The following USF2 variants were observed in gnomAD, a reference collection of about 807,000 sequenced individuals.
The protein encoded by USF2 is upstream transcription factor 2, c-fos interacting.
Under a neutral mutation model 46.9 loss-of-function variants are expected in USF2, and 16 were observed. The observed-to-expected ratio is 0.34, with a 90% confidence interval of 0.23 to 0.52. USF2 has a LOEUF of 0.52. Ranked by LOEUF, USF2 falls within the 20% of genes least tolerant of loss-of-function variation. The probability of loss-of-function intolerance (pLI) is 0.96; values close to 1 mark genes in which losing one functional copy is unlikely to be tolerated. For synonymous variants in USF2, 239 were observed against 194.1 expected (o/e 1.23, Z -1.92); for missense variants, 411 against 474.0 (o/e 0.87, Z 1.23).
Position 35,270,437 on chromosome 19 carries a change from T to C in USF2, c.430-10T>C. On this transcript the variant is annotated splice_polypyrimidine_tract_variant and intron_variant, in intron 4 of 9. Transcript: ENST00000222305. ...AAGCTAAGGGTAGCCTCTGCCCTCC[T>C]ACTCCCCAGGCTGTGATCCAAAATC... 1 of 1,610,334 alleles carries C rather than the reference T, an allele frequency of 6.2e-7. No homozygotes were observed. The highest frequency in any genetic ancestry group is 8.5e-7 in the Non-Finnish European group (1 of 1,178,418).
At chr19:35,279,099 C>T in intron 9 of USF2, 25 bp downstream of exon 9, 2 of 1,613,186 alleles carry the variant, frequency 1.2e-6, no homozygotes, top group Admixed American at 3.3e-5. Flanking sequence ...TGGAGCGGGT[C>T]AGGGCCCAGG....
chr19:35,271,221 AG>A, intron 7 of USF2, 80 bp downstream of exon 7: 1 of 1,560,846 alleles, frequency 6.4e-7, no homozygotes, highest in South Asian at 1.1e-5. Context: ...GGAGTGACAG[AG>A]AGAGAAGCCA....
chr19:35,270,341 C>T (rs1464367669), intron 4 of USF2, 106 bp from the exon 5 acceptor site: 2 of 1,490,234 alleles, frequency 1.3e-6, no homozygotes, highest in South Asian at 1.3e-5. Flanking sequence ...GGAGTCCCCA[C>T]TCCTGTTAAT....
chr19:35,276,674 C>T (rs2066237943), intron 7 of USF2, among the ~76,000 whole-genome samples: 1 of 152,202 alleles, frequency 6.6e-6, no homozygotes, highest in Non-Finnish European at 1.5e-5. Context: ...TTCCCAGCTG[C>T]CTGCCTTAGA....
chr19:35,279,122 A>C (rs751251804), intron 9 of USF2, 45 bp from the exon 10 acceptor site: 1 of 1,612,758 alleles, frequency 6.2e-7, no homozygotes, highest in Admixed American at 1.7e-5. Flanking sequence ...CCCCAGATGC[A>C]AGGCGCTGGC....
chr19:35,270,014 T>C lies in USF2; in HGVS notation c.429+11T>C, dbSNP rs967379390. On this transcript the variant is annotated intron_variant, in intron 4 of 9. Coordinates refer to ENST00000222305, the MANE Select transcript of USF2 (RefSeq NM_003367.4). Reference sequence around the variant, plus strand: ...GCGCCCTTCCCGCTGGTAGGTGCCCTGCCACCCCTGGGTGGGGGGGGGAGG... The same window carrying C: ...GCGCCCTTCCCGCTGGTAGGTGCCCCGCCACCCCTGGGTGGGGGGGGGAGG... 6.5e-5 allele frequency: 87 copies of C among 1,340,892 alleles called. No homozygotes were observed. In the African/African-American group the frequency reaches 1.0e-3, roughly 16 times the overall value. The allele number at this position is 1,340,892 out of a possible 1,614,324, so 83.1% of individuals were successfully genotyped here.
chr19:35,272,643 G>T (rs1201771345), intron 7 of USF2, among the ~76,000 whole-genome samples: 3 of 152,064 alleles, frequency 2.0e-5, no homozygotes, highest in Non-Finnish European at 4.4e-5. Context: ...GTGATGAGAA[G>T]CCAGCAGAGG....
intron 7 of USF2, among the ~76,000 whole-genome samples, chr19:35,273,320 C>T (rs2066184788): frequency 6.6e-6 from 1 of 152,198 alleles, no homozygotes; most frequent in Non-Finnish European, 1.5e-5. Context: ...GCTGTCTGGG[C>T]TCCAAGCATC....
chr19:35,278,867 T>C (rs763341313), intron 8 of USF2, 75 bp downstream of exon 8: 2 of 1,605,870 alleles, frequency 1.2e-6, no homozygotes, highest in South Asian at 2.2e-5. Context: ...CCAACAGCCA[T>C]GGGGCTCGGG....
At chr19:35,274,780 A>G (rs1186188893) in intron 7 of USF2, among the ~76,000 whole-genome samples, 1 of 152,218 alleles carries the variant, frequency 6.6e-6, no homozygotes, top group East Asian at 1.9e-4. Context: ...CCTGAGCAAC[A>G]GACCCAGACC....
chr19:35,270,418 AG>A (rs1355501640), intron 4 of USF2, 28 bp from the exon 5 acceptor site: 1 of 1,598,758 alleles, frequency 6.3e-7, no homozygotes, highest in African/African-American at 1.3e-5. Flanking sequence ...GAGAAAGCTA[AG>A]GGTAGCCTCT....
At chr19:35,272,293 A>C (rs1312237661) in intron 7 of USF2, among the ~76,000 whole-genome samples, 1 of 152,174 alleles carries the variant, frequency 6.6e-6, no homozygotes, top group African/African-American at 2.4e-5. Context: ...GCAGGCAGTC[A>C]CAGGCAGGAG....
At chr19:35,274,058 T>C (rs767289406) in intron 7 of USF2, among the ~76,000 whole-genome samples, 13 of 152,252 alleles carry the variant, frequency 8.5e-5, no homozygotes, top group Admixed American at 2.6e-4. Context: ...ACCTGGCTCC[T>C]GGTAATGCAA....
intron 7 of USF2, among the ~76,000 whole-genome samples, chr19:35,276,670 G>A (rs1190539413): frequency 6.6e-6 from 1 of 152,182 alleles, no homozygotes. Flanking sequence ...GATCTTCCCA[G>A]CTGCCTGCCT....
At chr19:35,270,909 T>G (rs571375865) in intron 6 of USF2, 104 bp downstream of exon 6, 1 of 1,491,074 alleles carries the variant, frequency 6.7e-7, no homozygotes, top group South Asian at 1.1e-5. Flanking sequence ...CATGGTGTAA[T>G]GTTTTTTTTC....
chr19:35,276,868 A>C (rs553182012), intron 7 of USF2: 3 of 152,318 alleles, frequency 2.0e-5, no homozygotes, highest in Non-Finnish European at 4.4e-5. Context: ...GCGAGTGCCC[A>C]TGGGGCGCAC....
rs977406776 is a variant in USF2, at chr19:35,279,341, T to C, written c.*85T>C. 2 of 1,319,132 alleles carry C rather than the reference T, an allele frequency of 1.5e-6. No individual in the cohort carries two copies. Among genetic ancestry groups the C allele is most frequent in the East Asian group, 2.9e-5 (1 of 34,796 alleles). 81.7% of individuals were successfully genotyped at this position (1,319,132 alleles called of 1,614,324 possible). ...AGCCCTTAGCACAGAGAGGGACACA[T>C]GCCCCTCCCCCAGCTGCGTTTTTTT... On this transcript the variant is annotated 3_prime_UTR_variant, in exon 10 of 10. Coordinates refer to ENST00000222305, the MANE Select transcript of USF2 (RefSeq NM_003367.4).
intron 7 of USF2, among the ~76,000 whole-genome samples, chr19:35,271,914 G>A (rs925893415): frequency 6.6e-6 from 1 of 152,154 alleles, no homozygotes; most frequent in African/African-American, 2.4e-5. Flanking sequence ...GGTGGGCTGG[G>A]GTGACGCTTC....
chr19:35,277,486 CT>C (rs890784575), intron 7 of USF2: 202 of 153,214 alleles, frequency 1.3e-3, no homozygotes, highest in African/African-American at 4.6e-3. Context: ...GGGCCCCAGC[CT>C]TTTCAAGGGA....
Sources: gnomAD v4.1 joint callset for allele counts (sites outside exome capture counted in the v4.1 genomes callset) on GRCh38, gnomAD v4.1.1 for gene constraint, MANE v1.5 for transcripts, NCBI Gene and HGNC (gene_info 2026-07-23, HGNC 2026-07-21) for gene names.